INPP4B: variants seen among roughly 807,000 people sequenced by gnomAD.
The protein encoded by INPP4B is inositol polyphosphate 4-phosphatase type II.
In INPP4B, 55 loss-of-function variants were observed where a neutral mutation model predicts 122.5. The ratio of observed to expected loss-of-function variants is 0.45; its 90% CI spans 0.36 to 0.56. INPP4B has a LOEUF of 0.56. Among genes scored for constraint, INPP4B ranks in the 20% least tolerant of loss-of-function variants. The pLI, the probability that INPP4B is intolerant of heterozygous loss-of-function variation, is 0.00. For synonymous variants in INPP4B, 403 were observed against 388.7 expected (o/e 1.04, Z -0.43); for missense variants, 1,000 against 1,097.7 (o/e 0.91, Z 1.26).
chr4:142,808,765 G>A (rs769721084), intron 1 of INPP4B, among the ~76,000 whole-genome samples: 41 of 152,164 alleles, frequency 2.7e-4, no homozygotes, highest in Non-Finnish European at 5.0e-4. Context: ...AATTTTTAAT[G>A]TTAGAATATT....
At chr4:142,654,492 A>G (rs1216941797) in intron 2 of INPP4B, 1 of 151,988 alleles carries the variant, frequency 6.6e-6, no homozygotes, top group Non-Finnish European at 1.5e-5. Context: ...GATCTTAAGG[A>G]TAGTTACAAA....
rs989376384 is a variant in INPP4B, at chr4:142,428,740, G to C, written c.136+433C>G. ...CATTTTCACAAAAATCAATATGGAAGAGTCAGGGAATGTTCTTGAATACGA... is the reference window on the plus strand; with the variant it reads ...CATTTTCACAAAAATCAATATGGAACAGTCAGGGAATGTTCTTGAATACGA... On this transcript the variant is annotated intron_variant, in intron 5 of 25. Coordinates refer to ENST00000262992, the MANE Select transcript of INPP4B (RefSeq NM_001101669.3). Among the ~76,000 whole-genome samples, 3 of 152,162 alleles carry C rather than the reference G, an allele frequency of 2.0e-5. No homozygotes were observed. The South Asian group carries it at 6.2e-4, about 32-fold the overall frequency.
intron 3 of INPP4B, among the ~76,000 whole-genome samples, chr4:142,442,305 G>A (rs1811938814): frequency 6.6e-6 from 1 of 151,306 alleles, no homozygotes; most frequent in African/African-American, 2.4e-5. Flanking sequence ...CCAGCTATAT[G>A]GGTGGCTGAG....
At chr4:142,181,292 T>C (rs993950300) in intron 15 of INPP4B, among the ~76,000 whole-genome samples, 6 of 152,182 alleles carry the variant, frequency 3.9e-5, no homozygotes, top group African/African-American at 1.4e-4. Context: ...TACTCTGAGA[T>C]TGCAGAATGT....
At chr4:142,784,260 C>T (rs555601346) in intron 1 of INPP4B, among the ~76,000 whole-genome samples, 15 of 151,506 alleles carry the variant, frequency 9.9e-5, no homozygotes, top group African/African-American at 3.4e-4. Flanking sequence ...CTACTCAGGA[C>T]GATGAGGTAG....
At chr4:142,338,007 CT>C (rs58807583) in intron 7 of INPP4B, among the ~76,000 whole-genome samples, 17,579 of 151,726 alleles carry the variant, frequency 0.12, 1,085 homozygotes, top group East Asian at 0.18. Context: ...CAATTTTGCA[CT>C]CTAGAAGTGA....
chr4:142,301,111 A>T (rs551364179), intron 9 of INPP4B, among the ~76,000 whole-genome samples: 1 of 152,212 alleles, frequency 6.6e-6, no homozygotes, highest in East Asian at 1.9e-4. Flanking sequence ...TTTCACCATT[A>T]CTCTGAAATT....
At chr4:142,547,101 T>C (rs1829728525) in intron 2 of INPP4B, among the ~76,000 whole-genome samples, 1 of 151,652 alleles carries the variant, frequency 6.6e-6, no homozygotes, top group African/African-American at 2.4e-5. Context: ...ATACATATGT[T>C]GTTTATTCCC....
In INPP4B at chr4:142,692,113, C is replaced by T. The variant is rs150259181; in HGVS notation, c.-191+33726G>A. Among the ~76,000 whole-genome samples the T allele has an allele frequency of 6.2e-3, 938 of 152,110 alleles. 4 individuals are homozygous for T. The highest frequency in any genetic ancestry group is 0.011 in the Non-Finnish European group (730 of 67,996). On this transcript the variant is annotated intron_variant, in intron 2 of 25. Coordinates refer to ENST00000262992, the MANE Select transcript of INPP4B (RefSeq NM_001101669.3). ...GATGGCACAAATCAGATTAGGTTAT[C>T]ATGAAGGAGCCAAGGGGACCCTTCC...
intron 2 of INPP4B, among the ~76,000 whole-genome samples, chr4:142,663,939 A>G (rs577056374): frequency 6.6e-6 from 1 of 152,366 alleles, no homozygotes; most frequent in African/African-American, 2.4e-5. Flanking sequence ...TTACCTTGGG[A>G]AAATATTTCC....
intron 6 of INPP4B, among the ~76,000 whole-genome samples, chr4:142,404,945 A>G (rs754028091): frequency 1.3e-5 from 2 of 151,176 alleles, no homozygotes; most frequent in Admixed American, 6.6e-5. Flanking sequence ...GTATGAAAAG[A>G]AAAAAAAAGA....
chr4:142,374,990 C>T (rs1791306878), intron 7 of INPP4B, among the ~76,000 whole-genome samples: 1 of 151,826 alleles, frequency 6.6e-6, no homozygotes, highest in Admixed American at 6.6e-5. Flanking sequence ...ACTTAAACAC[C>T]CTAAACTAAT....
chr4:142,189,212 T>C (rs1175965881), intron 15 of INPP4B, among the ~76,000 whole-genome samples: 1 of 152,204 alleles, frequency 6.6e-6, no homozygotes, highest in African/African-American at 2.4e-5. Context: ...TTGTTTGCAG[T>C]GGTCTGTGAT....
chr4:142,688,119 C>T (rs913980015), intron 2 of INPP4B, among the ~76,000 whole-genome samples: 1 of 152,150 alleles, frequency 6.6e-6, no homozygotes, highest in Non-Finnish European at 1.5e-5. Context: ...CCCTTCCATA[C>T]AGTATTATGA....
At chr4:142,444,672 GATT>G (rs1351935970) in intron 3 of INPP4B, among the ~76,000 whole-genome samples, 1 of 151,912 alleles carries the variant, frequency 6.6e-6, no homozygotes, top group Non-Finnish European at 1.5e-5. Flanking sequence ...ATACCCAAAG[GATT>G]ATAAATTATT....
chr4:142,495,525 T>C (rs926114776), intron 2 of INPP4B, among the ~76,000 whole-genome samples: 7 of 152,012 alleles, frequency 4.6e-5, no homozygotes, highest in Non-Finnish European at 8.8e-5. Context: ...TATATATATA[T>C]ATATTCTTCT....
At chr4:142,127,628 CTTTT>C (rs918271348) in intron 18 of INPP4B, among the ~76,000 whole-genome samples, 8 of 152,102 alleles carry the variant, frequency 5.3e-5, no homozygotes, top group African/African-American at 1.9e-4. Flanking sequence ...ATTATATATA[CTTTT>C]TATGGCTAAA....
chr4:142,073,845 CCTT>C (rs1206985268), intron 25 of INPP4B, among the ~76,000 whole-genome samples: 1 of 152,050 alleles, frequency 6.6e-6, no homozygotes, highest in East Asian at 1.9e-4. Flanking sequence ...TGCATCTCAG[CCTT>C]CTTTAGTGAA....
rs947426573 is a variant in INPP4B at position 142,079,626 on chromosome 4, T to G, written c.2642+2405A>C. Among the ~76,000 whole-genome samples, 5 of 152,204 alleles carry G rather than the reference T, an allele frequency of 3.3e-5. No individual in the cohort carries two copies. The East Asian group carries it at 5.8e-4, about 18-fold the overall frequency. ...ATAAGAAATTTCTAAGGTGACTTCT[T>G]TATCTTAAATTCTACGATTATTTCT... On this transcript the variant is annotated intron_variant, in intron 25 of 25. Coordinates refer to ENST00000262992, the MANE Select transcript of INPP4B (RefSeq NM_001101669.3).
Sources: gnomAD v4.1 joint callset for allele counts (sites outside exome capture counted in the v4.1 genomes callset) on GRCh38, gnomAD v4.1.1 for gene constraint, MANE v1.5 for transcripts, NCBI Gene and HGNC (gene_info 2026-07-23, HGNC 2026-07-21) for gene names.